Variants in GNAQ observed in about 807,000 individuals in gnomAD.
GNAQ encodes guanine nucleotide-binding protein G(q) subunit alpha.
In GNAQ, 8 loss-of-function variants were observed where a neutral mutation model predicts 43.9. The observed-to-expected ratio is 0.18, with a 90% CI of 0.11 to 0.33. The LOEUF is 0.33. Ranked by LOEUF, GNAQ falls within the 10% of genes least tolerant of loss-of-function variation. The pLI is 1.00. For missense variants in GNAQ, 158 were observed against 450.8 expected, an observed-to-expected ratio of 0.35 and a Z score of 5.88; for synonymous variants, 155 against 170.7, an observed-to-expected ratio of 0.91 and a Z score of 0.71.
chr9:77,795,036 A>C (rs1360644677), intron 4 of GNAQ, among the ~76,000 whole-genome samples: 1 of 152,186 alleles, frequency 6.6e-6, no homozygotes, highest in Non-Finnish European at 1.5e-5. Flanking sequence ...AGTATACTTA[A>C]AATATGTGAG....
At chr9:77,880,416 A>C (rs1828189326) in intron 2 of GNAQ, among the ~76,000 whole-genome samples, 1 of 151,946 alleles carries the variant, frequency 6.6e-6, no homozygotes, top group Non-Finnish European at 1.5e-5. Flanking sequence ...TCTGTCACCT[A>C]AACTGGAAGG....
intron 1 of GNAQ, among the ~76,000 whole-genome samples, chr9:77,943,513 A>G (rs1291305070): frequency 6.6e-6 from 1 of 152,154 alleles, no homozygotes; most frequent in East Asian, 1.9e-4. Flanking sequence ...GTCAGACTGG[A>G]TAAACTCAAA....
chr9:77,992,110 T>C (rs1370935741), intron 1 of GNAQ, among the ~76,000 whole-genome samples: 1 of 152,228 alleles, frequency 6.6e-6, no homozygotes. Context: ...GATCGAATGG[T>C]AGTTCTACTT....
At chr9:77,806,281 G>A (rs1163043044) in intron 3 of GNAQ, among the ~76,000 whole-genome samples, 1 of 152,176 alleles carries the variant, frequency 6.6e-6, no homozygotes, top group Non-Finnish European at 1.5e-5. Flanking sequence ...TCAAGAAATA[G>A]CTGAAGATTA....
intron 2 of GNAQ, among the ~76,000 whole-genome samples, chr9:77,858,869 A>C (rs974205547): frequency 2.6e-5 from 4 of 152,030 alleles, no homozygotes; most frequent in Admixed American, 1.3e-4. Flanking sequence ...TCTTCAAAGC[A>C]CTTGAGTTTT....
intron 1 of GNAQ, among the ~76,000 whole-genome samples, chr9:77,930,835 G>A (rs1829138993): frequency 6.6e-6 from 1 of 151,958 alleles, no homozygotes; most frequent in African/African-American, 2.4e-5. Flanking sequence ...CAACCCCCAG[G>A]ACCACAGCCC....
chr9:77,791,181 G>C (rs1360013607), intron 5 of GNAQ, among the ~76,000 whole-genome samples: 1 of 152,280 alleles, frequency 6.6e-6, no homozygotes, highest in East Asian at 1.9e-4. Flanking sequence ...AAAGGTCTCA[G>C]TCTTTGAGAT....
At chr9:77,785,401 G>C (rs182649125) in intron 5 of GNAQ, among the ~76,000 whole-genome samples, 1 of 152,142 alleles carries the variant, frequency 6.6e-6, no homozygotes, top group Non-Finnish European at 1.5e-5. Context: ...CTCCAGAACC[G>C]GGGAGAATAA....
At chr9:77,832,604 A>T (rs1343261864) in intron 2 of GNAQ, among the ~76,000 whole-genome samples, 3 of 152,240 alleles carry the variant, frequency 2.0e-5, no homozygotes, top group African/African-American at 7.2e-5. Context: ...TCAAAACTAT[A>T]ACAAGTAAGT....
intron 1 of GNAQ, among the ~76,000 whole-genome samples, chr9:77,951,090 T>C (rs1029918198): frequency 8.6e-6 from 1 of 116,406 alleles, no homozygotes; most frequent in Non-Finnish European, 1.8e-5. Flanking sequence ...CAGTCAAGTG[T>C]TCTTTTTTTT....
chr9:77,806,144 GAGAA>G (rs1826827000), intron 3 of GNAQ, among the ~76,000 whole-genome samples: 1 of 152,168 alleles, frequency 6.6e-6, no homozygotes, highest in African/African-American at 2.4e-5. Context: ...AGCAATGAGA[GAGAA>G]AGAGAGAAAA....
intron 2 of GNAQ, among the ~76,000 whole-genome samples, chr9:77,846,451 A>G (rs1827586252): frequency 6.6e-6 from 1 of 152,190 alleles, no homozygotes; most frequent in Admixed American, 6.5e-5. Context: ...GCTGATTATG[A>G]TAGGAAAAAA....
At chr9:77,975,536 C>T (rs578222972) in intron 1 of GNAQ, among the ~76,000 whole-genome samples, 6 of 115,276 alleles carry the variant, frequency 5.2e-5, no homozygotes, top group African/African-American at 2.2e-4. Context: ...TCAGCCCCCC[C>T]TTTTTTTTTT....
At chr9:77,786,321 C>T (rs1472012240) in intron 5 of GNAQ, among the ~76,000 whole-genome samples, 1 of 140,298 alleles carries the variant, frequency 7.1e-6, no homozygotes, top group African/African-American at 2.7e-5. Context: ...GAGCTTGCAG[C>T]GAGCCGAGAT....
intron 3 of GNAQ, among the ~76,000 whole-genome samples, chr9:77,803,394 TTCTG>T (rs1407251406): frequency 2.0e-5 from 3 of 152,254 alleles, no homozygotes; most frequent in South Asian, 2.1e-4. Context: ...GGCCTTAGCA[TTCTG>T]TCTAACACAG....
At chr9:78,016,833 A>C (rs1587462852) in intron 1 of GNAQ, among the ~76,000 whole-genome samples, 1 of 152,228 alleles carries the variant, frequency 6.6e-6, no homozygotes, top group Non-Finnish European at 1.5e-5. Flanking sequence ...GAAAATAAAA[A>C]CTGTAAAATG....
chr9:77,757,577 G>A (rs902301485), intron 5 of GNAQ, among the ~76,000 whole-genome samples: 14 of 152,020 alleles, frequency 9.2e-5, no homozygotes, highest in South Asian at 6.2e-4. Context: ...TCTCCAATTC[G>A]TGCCAACATA....
chr9:77,959,942 A>C (rs1402922154), intron 1 of GNAQ, among the ~76,000 whole-genome samples: 1 of 152,154 alleles, frequency 6.6e-6, no homozygotes, highest in Non-Finnish European at 1.5e-5. Context: ...TAAATTGTGG[A>C]AGCTAATTTG....
At chr9:77,790,654 C>T (rs1318024121) in intron 5 of GNAQ, among the ~76,000 whole-genome samples, 1 of 152,198 alleles carries the variant, frequency 6.6e-6, no homozygotes, top group African/African-American at 2.4e-5. Context: ...GATTTTCATT[C>T]TACTTCCACC....
Sources: gnomAD v4.1 joint callset for allele counts (sites outside exome capture counted in the v4.1 genomes callset) on GRCh38, gnomAD v4.1.1 for gene constraint, MANE v1.5 for transcripts, NCBI Gene and HGNC (gene_info 2026-07-23, HGNC 2026-07-21) for gene names.